PRORP: variants seen among roughly 807,000 people sequenced by gnomAD.
PRORP encodes mitochondrial ribonuclease P catalytic subunit.
In PRORP, 51 loss-of-function variants were observed where a neutral mutation model predicts 59.4. That is an observed-to-expected ratio of 0.86 (90% confidence interval 0.69 to 1.08). The LOEUF (loss-of-function observed/expected upper bound fraction) is 1.08, where lower values mean the gene tolerates loss of function less well. PRORP is among the 50% of genes least tolerant of loss of function. The pLI, the probability that PRORP is intolerant of heterozygous loss-of-function variation, is 0.00. For synonymous variants in PRORP, 231 were observed against 245.6 expected (o/e 0.94, Z 0.55); for missense variants, 646 against 690.3 (o/e 0.94, Z 0.72).
rs2051283310 is a variant in PRORP at position 35,275,552 on chromosome 14, ACTT to A, written c.*1990_*1992del. 6.6e-6 allele frequency: 1 copy of A among 152,234 alleles called. No individual in the cohort carries two copies. The highest frequency in any genetic ancestry group is 1.5e-5 in the Non-Finnish European group (1 of 68,050). 9.4% of individuals were successfully genotyped at this position (152,234 alleles called of 1,614,324 possible). The stretch of plus-strand genomic sequence containing the variant: ...GGAAACTGTGCTTTCAGTGAGCTAA[ACTT>A]CTTTTTTTAAGTAACTATCATAGTT... On this transcript the variant is annotated 3_prime_UTR_variant, in exon 8 of 8. Coordinates refer to ENST00000534898, the MANE Select transcript of PRORP (RefSeq NM_014672.4).
chr14:35,209,158 A>T (rs886567752), intron 5 of PRORP, among the ~76,000 whole-genome samples: 1 of 149,670 alleles, frequency 6.7e-6, no homozygotes, highest in African/African-American at 2.4e-5. Flanking sequence ...TCGGCGACAG[A>T]GTGAGACTCT....
intron 5 of PRORP, among the ~76,000 whole-genome samples, chr14:35,207,834 A>G (rs747904747): frequency 1.3e-5 from 2 of 152,192 alleles, no homozygotes; most frequent in East Asian, 1.9e-4. Flanking sequence ...TGCAGGCACA[A>G]TTACCTCTTC....
chr14:35,217,059 A>G (rs1360669689), intron 5 of PRORP, among the ~76,000 whole-genome samples: 1 of 152,082 alleles, frequency 6.6e-6, no homozygotes, highest in Non-Finnish European at 1.5e-5. Flanking sequence ...TCCTTCTCAG[A>G]TATATATTTG....
upstream of PRORP, chr14:35,122,045 C>G: frequency 6.7e-7 from 1 of 1,500,550 alleles, no homozygotes; most frequent in Non-Finnish European, 9.3e-7. Context: ...CCGCCAGGCC[C>G]CGTAAAGGTT....
chr14:35,268,270 G>A (rs188833318), intron 6 of PRORP, among the ~76,000 whole-genome samples: 218 of 147,096 alleles, frequency 1.5e-3, no homozygotes, highest in Non-Finnish European at 2.6e-3. Flanking sequence ...ACTTGAACCT[G>A]GAAAGCCGAG....
At chr14:35,199,835 G>A (rs1386736369) in intron 5 of PRORP, among the ~76,000 whole-genome samples, 1 of 152,174 alleles carries the variant, frequency 6.6e-6, no homozygotes. Context: ...TAAATAAGTA[G>A]AAATTGCTTA....
chr14:35,210,660 C>T (rs966136066), intron 5 of PRORP, among the ~76,000 whole-genome samples: 4 of 146,044 alleles, frequency 2.7e-5, no homozygotes, highest in African/African-American at 1.0e-4. Context: ...AATTTAGATA[C>T]TAGATAAATA....
At chr14:35,190,579 C>G (rs2048858391) in intron 5 of PRORP, among the ~76,000 whole-genome samples, 1 of 151,982 alleles carries the variant, frequency 6.6e-6, no homozygotes, top group Admixed American at 6.6e-5. Context: ...GATCTTGGCT[C>G]ATTGCAACCT....
At position 35,273,459 on chromosome 14, in the gene PRORP, G is replaced by C. The variant is rs761443569; in HGVS notation, c.1645G>C (p.Val549Leu). The change falls in exon 8 of 8, where the codon GTG becomes CTG. Residue 549 changes from valine to leucine, a missense_variant. Transcript: ENST00000534898. ...GCGTATTCTCAGCTATGACACAGTG[G>C]TGCAAACAACTGGAGACTCGTGGCA... Reference protein sequence around the residue: ...FQRILSYDTVVQTTGDSWHIP... With the variant: ...FQRILSYDTVLQTTGDSWHIP... 1 of 1,612,248 alleles carries C rather than the reference G, an allele frequency of 6.2e-7. No homozygotes were observed. The highest frequency in any genetic ancestry group is 1.7e-5 in the Admixed American group (1 of 59,724).
At position 35,277,326 on chromosome 14, in the gene PRORP, T is replaced by G. The variant is rs745489889; in HGVS notation, c.*3760T>G. 6.6e-6 allele frequency: 1 copy of G among 152,224 alleles called. No homozygotes were observed. Among genetic ancestry groups the G allele is most frequent in the Non-Finnish European group, 1.5e-5 (1 of 68,120 alleles). The allele number at this position is 152,224 out of a possible 1,614,324, so 9.4% of individuals were successfully genotyped here. On this transcript the variant is annotated 3_prime_UTR_variant, in exon 8 of 8. Coordinates refer to ENST00000534898, the MANE Select transcript of PRORP (RefSeq NM_014672.4). ...CAGGTGTGAGTCACCCCGCACAGCCTGAAATGAGGCATCTCTATCTATAGT... is the reference window on the plus strand; with the variant it reads ...CAGGTGTGAGTCACCCCGCACAGCCGGAAATGAGGCATCTCTATCTATAGT...
chr14:35,237,104 C>T (rs1595361115), intron 5 of PRORP, among the ~76,000 whole-genome samples: 1 of 128,472 alleles, frequency 7.8e-6, no homozygotes, highest in African/African-American at 2.6e-5. Flanking sequence ...CTCTCTCTTT[C>T]TCTCTCTCGA....
At chr14:35,191,393 C>T (rs1223173637) in intron 5 of PRORP, among the ~76,000 whole-genome samples, 1 of 152,172 alleles carries the variant, frequency 6.6e-6, no homozygotes, top group African/African-American at 2.4e-5. Flanking sequence ...ATAAATTACC[C>T]AGTTTTGGGT....
intron 4 of PRORP, among the ~76,000 whole-genome samples, chr14:35,149,872 C>G (rs1428046874): frequency 6.6e-6 from 1 of 152,100 alleles, no homozygotes; most frequent in East Asian, 1.9e-4. Flanking sequence ...GGCGGGGAGA[C>G]AGAGTCTCAC....
chr14:35,169,712 A>T (rs1056882138), intron 4 of PRORP, among the ~76,000 whole-genome samples: 1 of 152,242 alleles, frequency 6.6e-6, no homozygotes, highest in Admixed American at 6.5e-5. Context: ...TGGGGATTAC[A>T]ATTCAAGGTG....
chr14:35,212,114 T>G (rs2049463108), intron 5 of PRORP, among the ~76,000 whole-genome samples: 1 of 152,208 alleles, frequency 6.6e-6, no homozygotes. Context: ...TAGGTTCAAG[T>G]TTTATTATGA....
At chr14:35,178,319 T>C (rs1595249060) in intron 4 of PRORP, among the ~76,000 whole-genome samples, 1 of 152,324 alleles carries the variant, frequency 6.6e-6, no homozygotes, top group East Asian at 1.9e-4. Flanking sequence ...GTCTCGTTGA[T>C]CTGTGTAATG....
intron 5 of PRORP, among the ~76,000 whole-genome samples, chr14:35,228,603 C>T (rs374391599): frequency 1.3e-5 from 2 of 152,268 alleles, no homozygotes; most frequent in East Asian, 1.9e-4. Context: ...TAATCGCCTC[C>T]GGCTGCATCC....
Position 35,127,477 on chromosome 14 carries a change from A to C in PRORP, c.1035-2A>C. ...ATTATTATTTAACAATTATAATTAC[A>C]GTGGCCAGTGTTCGGGCTGTGGAAA... is the stretch of plus-strand genomic sequence containing the variant. On this transcript the variant is annotated splice_acceptor_variant, in intron 3 of 7. Coordinates refer to ENST00000534898, the MANE Select transcript of PRORP (RefSeq NM_014672.4). LOFTEE classifies it high-confidence loss of function. The C allele has an allele frequency of 1.3e-6, 2 of 1,567,800 alleles. No individual in the cohort carries two copies. The highest frequency in any genetic ancestry group is 1.7e-6 in the Non-Finnish European group (2 of 1,161,088).
intron 5 of PRORP, among the ~76,000 whole-genome samples, chr14:35,207,218 A>G (rs2049317310): frequency 6.6e-6 from 1 of 152,218 alleles, no homozygotes; most frequent in Non-Finnish European, 1.5e-5. Context: ...TACATGAGAT[A>G]CATGCTGAAA....
Sources: gnomAD v4.1 joint callset for allele counts (sites outside exome capture counted in the v4.1 genomes callset) on GRCh38, gnomAD v4.1.1 for gene constraint, MANE v1.5 for transcripts, NCBI Gene and HGNC (gene_info 2026-07-23, HGNC 2026-07-21) for gene names.